Variants in UBXN4 observed in about 807,000 individuals in gnomAD.
UBXN4 encodes UBX domain-containing protein 4.
In UBXN4, 35 loss-of-function variants were observed where a neutral mutation model predicts 66.2. That is an observed-to-expected ratio of 0.53 (90% CI 0.40 to 0.70). The LOEUF (loss-of-function observed/expected upper bound fraction) is 0.70. Among genes scored for constraint, UBXN4 ranks in the 30% least tolerant of loss-of-function variants. UBXN4 has a pLI of 0.00. For missense variants in UBXN4, 533 were observed against 599.8 expected (o/e 0.89, Z 1.16); for synonymous variants, 203 against 204.5 (o/e 0.99, Z 0.06).
chr2:135,776,478 G>T (rs189711324), intron 10 of UBXN4, 127 bp downstream of exon 10: 2 of 685,176 alleles, frequency 2.9e-6, no homozygotes, highest in Non-Finnish European at 4.8e-6. Flanking sequence ...GGCACAAGAC[G>T]CCTCTGAGAT....
At chr2:135,754,453 G>C (rs144685024) in intron 4 of UBXN4, among the ~76,000 whole-genome samples, 176 bp downstream of exon 4, 1 of 152,048 alleles carries the variant, frequency 6.6e-6, no homozygotes, top group African/African-American at 2.4e-5. Context: ...CTCCCAAGTA[G>C]CTGGGATTAC....
intron 4 of UBXN4, 79 bp downstream of exon 4, chr2:135,754,356 C>A: frequency 8.9e-7 from 1 of 1,129,450 alleles, no homozygotes; most frequent in South Asian, 1.3e-5. Context: ...GAGTCTCGTT[C>A]TGTCGCCCAG....
intron 9 of UBXN4, among the ~76,000 whole-genome samples, chr2:135,775,916 C>T (rs1575323624): frequency 6.6e-6 from 1 of 152,240 alleles, no homozygotes; most frequent in Non-Finnish European, 1.5e-5. Context: ...TACAGGCATA[C>T]ACCACCATGC....
intron 12 of UBXN4, among the ~76,000 whole-genome samples, chr2:135,780,952 C>T (rs1002525988): frequency 1.3e-5 from 2 of 152,252 alleles, no homozygotes; most frequent in African/African-American, 4.8e-5. Flanking sequence ...GGGCCTGATG[C>T]AGTGGCTCAC....
intron 2 of UBXN4, among the ~76,000 whole-genome samples, chr2:135,750,878 C>G (rs1178305724): frequency 2.1e-5 from 2 of 96,672 alleles, no homozygotes; most frequent in African/African-American, 4.4e-5. Context: ...TTTTTTGAGA[C>G]GGAGTCTTGC....
intron 12 of UBXN4, 125 bp from the exon 13 acceptor site, chr2:135,782,624 C>A: frequency 8.7e-7 from 1 of 1,152,476 alleles, no homozygotes; most frequent in Non-Finnish European, 1.2e-6. Context: ...CATGGACTTT[C>A]CTTACTTTAG....
chr2:135,751,435 G>A (rs916307163), intron 2 of UBXN4, among the ~76,000 whole-genome samples: 3 of 151,570 alleles, frequency 2.0e-5, no homozygotes, highest in Admixed American at 6.6e-5. Context: ...TGATCCACCT[G>A]CCCCGGCCTC....
intron 10 of UBXN4, among the ~76,000 whole-genome samples, chr2:135,777,492 C>T (rs2077423386): frequency 6.6e-6 from 1 of 152,138 alleles, no homozygotes; most frequent in African/African-American, 2.4e-5. Context: ...CTTCTTTTGT[C>T]TTGGAGCCTC....
Position 135,770,475 on chromosome 2 carries a change from G to T in UBXN4, c.658-96G>T, listed in dbSNP as rs1382999984. On this transcript the variant is annotated intron_variant, in intron 7 of 12. Coordinates refer to ENST00000272638, the MANE Select transcript of UBXN4 (RefSeq NM_014607.4). ...CTCGTCTAGACTTACATTTTATGAA[G>T]TTTTATTCTTTTAACTGCAGTTTTC... The T allele has an allele frequency of 1.1e-5, 9 of 828,502 alleles. No homozygotes were observed. The African/African-American group carries it at 1.4e-4, about 13-fold the overall frequency. 51.3% of individuals were successfully genotyped at this position (828,502 alleles called of 1,614,324 possible).
chr2:135,768,589 G>A (rs1029095496), intron 6 of UBXN4, among the ~76,000 whole-genome samples: 5 of 146,706 alleles, frequency 3.4e-5, no homozygotes, highest in East Asian at 2.1e-4. Flanking sequence ...TTCCTGAGGC[G>A]GAGTCTCACT....
chr2:135,778,790 C>A lies in UBXN4; in HGVS notation c.1054-158C>A, dbSNP rs2077433057. Among the ~76,000 whole-genome samples, 3 of 152,280 alleles carry A rather than the reference C, an allele frequency of 2.0e-5. No homozygotes were observed. In the South Asian group the frequency reaches 6.2e-4, roughly 32 times the overall value. On this transcript the variant is annotated intron_variant, in intron 10 of 12. Coordinates refer to ENST00000272638, the MANE Select transcript of UBXN4 (RefSeq NM_014607.4). ...TTTGGATTTGATAGCTTTTCAGCTG[C>A]TTAGGGGCTGGAAGCACAATTTTAT...
intron 10 of UBXN4, among the ~76,000 whole-genome samples, chr2:135,777,082 GA>G (rs1553649501): frequency 6.6e-6 from 1 of 152,152 alleles, no homozygotes; most frequent in Non-Finnish European, 1.5e-5. Context: ...TTTGGCTAAG[GA>G]AAAAGAGGCA....
At chr2:135,759,979 A>T (rs2077305530) in intron 5 of UBXN4, among the ~76,000 whole-genome samples, 1 of 151,698 alleles carries the variant, frequency 6.6e-6, no homozygotes, top group East Asian at 1.9e-4. Flanking sequence ...TGTTGGCCAG[A>T]CTGGTCTCAA....
At position 135,749,524 on chromosome 2, in the gene UBXN4, G is replaced by T. The variant is rs530922719; in HGVS notation, c.185+1155G>T. On this transcript the variant is annotated intron_variant, in intron 2 of 12. Transcript: ENST00000272638. ...TGGTAATTAACTCATGGTCAGTCTT[G>T]TTTCATCTATACCTCCACCCATTTC... Among the ~76,000 whole-genome samples, 7 of 152,208 alleles carry T rather than the reference G, an allele frequency of 4.6e-5. No homozygotes were observed. In the East Asian group the frequency reaches 1.3e-3, roughly 29 times the overall value.
At chr2:135,766,352 T>C (rs531193425) in intron 6 of UBXN4, among the ~76,000 whole-genome samples, 116 of 152,312 alleles carry the variant, frequency 7.6e-4, no homozygotes, top group African/African-American at 2.8e-3. Context: ...ACAAGCACGA[T>C]ACCATTATCA....
intron 12 of UBXN4, 41 bp downstream of exon 12, chr2:135,780,426 C>A: frequency 6.3e-7 from 1 of 1,579,160 alleles, no homozygotes; most frequent in South Asian, 1.1e-5. Flanking sequence ...ATATGTAAGT[C>A]ATGCCCAGTA....
At position 135,749,830 on chromosome 2, in the gene UBXN4, T is replaced by C. The variant is rs145513787; in HGVS notation, c.185+1461T>C. ...TAGGAAGCATTGATTTCTCTCAGTA[T>C]GTAGGCTTCTCCTCCAACTCCCCTG... On this transcript the variant is annotated intron_variant, in intron 2 of 12. Transcript: ENST00000272638. 3.5e-4 allele frequency among the ~76,000 whole-genome samples: 54 copies of C among 152,370 alleles called. No individual in the cohort carries two copies. In the East Asian group the frequency reaches 9.8e-3, roughly 28 times the overall value.
intron 10 of UBXN4, among the ~76,000 whole-genome samples, chr2:135,778,185 A>C (rs1488181115): frequency 6.7e-6 from 1 of 149,410 alleles, no homozygotes; most frequent in Non-Finnish European, 1.5e-5. Context: ...AAAAAAAAAA[A>C]AAACAAAAAA....
chr2:135,762,728 C>T (rs1038329083), intron 6 of UBXN4, among the ~76,000 whole-genome samples: 1 of 152,052 alleles, frequency 6.6e-6, no homozygotes, highest in African/African-American at 2.4e-5. Context: ...AGGTGAAAAG[C>T]AGGCTGGACC....
Sources: allele counts gnomAD v4.1 joint callset (sites outside exome capture counted in the v4.1 genomes callset), GRCh38; gene constraint gnomAD v4.1.1; transcripts MANE v1.5; gene names NCBI Gene and HGNC (gene_info 2026-07-23, HGNC 2026-07-21).